INO80: variants seen among roughly 807,000 people sequenced by gnomAD.
The protein encoded by INO80 is chromatin-remodeling ATPase INO80.
A neutral mutation model predicts 203.4 loss-of-function variants in INO80; 20 were observed. The observed-to-expected ratio is 0.10, with a 90% CI of 0.07 to 0.14. The LOEUF (loss-of-function observed/expected upper bound fraction) is 0.14. INO80 is among the 10% of genes least tolerant of loss of function. The probability of loss-of-function intolerance (pLI) is 1.00; values close to 1 mark genes in which losing one functional copy is unlikely to be tolerated. For synonymous variants in INO80, 726 were observed against 685.2 expected (o/e 1.06, Z -0.93); for missense variants, 1,419 against 1,914.4 (o/e 0.74, Z 4.83).
At chr15:41,073,359 C>A in intron 11 of INO80, 69 bp downstream of exon 11, 1 of 1,267,008 alleles carries the variant, frequency 7.9e-7, no homozygotes, top group Non-Finnish European at 1.2e-6. Context: ...AAAGGAAGAC[C>A]ACCTAAGTAA....
intron 24 of INO80, among the ~76,000 whole-genome samples, chr15:41,033,833 C>T (rs1002281621): frequency 1.3e-5 from 2 of 151,986 alleles, no homozygotes; most frequent in Non-Finnish European, 2.9e-5. Context: ...GGGAGGATCA[C>T]GAGGTCAGGA....
intron 27 of INO80, among the ~76,000 whole-genome samples, chr15:41,009,691 G>A (rs2044105099): frequency 1.3e-5 from 2 of 151,970 alleles, no homozygotes; most frequent in Non-Finnish European, 2.9e-5. Context: ...GGGCTCAAAT[G>A]ATCCTCTCAC....
At chr15:41,090,040 C>T (rs2045612312) in intron 5 of INO80, among the ~76,000 whole-genome samples, 1 of 152,174 alleles carries the variant, frequency 6.6e-6, no homozygotes, top group Non-Finnish European at 1.5e-5. Context: ...TTCATACCAT[C>T]ATTATTCAAA....
Position 41,044,984 on chromosome 15 carries a change from A to G in INO80, c.2827T>C (p.Tyr943His), listed in dbSNP as rs1566925722. The G allele has an allele frequency of 3.1e-6, 5 of 1,614,092 alleles. No homozygotes were observed. The highest frequency in any genetic ancestry group is 4.2e-6 in the Non-Finnish European group (5 of 1,179,978). The part of the protein sequence containing the change: ...GAPEGESHQR[Y>H]LRNKDFLLGV... ...AGAAGGAAATCCTTGTTCCTCAGGT[A>G]TCTCTGGTGGCTCTCCCCTTCTGGC... The change falls in exon 24 of 36, where the codon TAC becomes CAC. Residue 943 changes from tyrosine to histidine, a missense_variant. Transcript: ENST00000648947.
chr15:41,082,124 C>T (rs1405789071), intron 7 of INO80, among the ~76,000 whole-genome samples: 2 of 151,790 alleles, frequency 1.3e-5, no homozygotes. Context: ...GTGGCACATG[C>T]CTGTAATCCT....
At chr15:41,095,225 C>T (rs2140665293) in intron 4 of INO80, among the ~76,000 whole-genome samples, 1 of 152,264 alleles carries the variant, frequency 6.6e-6, no homozygotes, top group South Asian at 2.1e-4. Flanking sequence ...CCTGTAATCC[C>T]AGCTACTCAG....
At chr15:41,061,368 A>C (rs1188277956) in intron 14 of INO80, among the ~76,000 whole-genome samples, 1 of 151,082 alleles carries the variant, frequency 6.6e-6, no homozygotes, top group African/African-American at 2.4e-5. Flanking sequence ...GCACTTTGCA[A>C]GGCCAAAGCA....
chr15:41,022,303 C>A (rs984397046), intron 25 of INO80, among the ~76,000 whole-genome samples: 1 of 152,220 alleles, frequency 6.6e-6, no homozygotes, highest in Non-Finnish European at 1.5e-5. Flanking sequence ...GTAGTTCTAT[C>A]ATTTCGTGGA....
rs1445087466 is a variant in INO80, at chr15:40,979,974, G to A, written c.*249C>T. ...GAGAGGTTTAAGACTTGGCTATACA[G>A]TTCACTTGAGATGCAGTGGGGCTGA... is the stretch of plus-strand genomic sequence containing the variant. On this transcript the variant is annotated 3_prime_UTR_variant, in exon 36 of 36. Transcript: ENST00000648947. 1 of 544,288 alleles carries A rather than the reference G, an allele frequency of 1.8e-6. No homozygotes were observed. The highest frequency in any genetic ancestry group is 3.3e-6 in the Non-Finnish European group (1 of 301,744). 33.7% of individuals were successfully genotyped at this position (544,288 alleles called of 1,614,324 possible).
At chr15:41,042,850 CATAT>C (rs2044692884) in intron 24 of INO80, among the ~76,000 whole-genome samples, 1 of 152,166 alleles carries the variant, frequency 6.6e-6, no homozygotes, top group South Asian at 2.1e-4. Context: ...AATATACATA[CATAT>C]GTTGGAGATA....
intron 35 of INO80, 81 bp downstream of exon 35, chr15:40,982,781 C>T: frequency 1.7e-6 from 2 of 1,180,440 alleles, no homozygotes; most frequent in South Asian, 2.8e-5. Context: ...TCAGGGTTTC[C>T]TACATGTTCT....
chr15:40,980,462 A>C, intron 35 of INO80, 22 bp from the exon 36 acceptor site: 1 of 1,584,942 alleles, frequency 6.3e-7, no homozygotes, highest in Non-Finnish European at 8.6e-7. Flanking sequence ...GAGAGAGACA[A>C]GAACGTAAGC....
At chr15:41,066,223 CT>C (rs976561572) in intron 14 of INO80, among the ~76,000 whole-genome samples, 11 of 152,088 alleles carry the variant, frequency 7.2e-5, no homozygotes, top group Admixed American at 3.3e-4. Flanking sequence ...GGTGACCCCC[CT>C]GCCTCAGCCT....
chr15:41,059,966 G>A (rs374485126), intron 14 of INO80, 40 bp from the exon 15 acceptor site: 1 of 1,264,082 alleles, frequency 7.9e-7, no homozygotes, highest in South Asian at 1.3e-5. Flanking sequence ...TTCTATAGAT[G>A]ATCTTAAAAG....
chr15:41,057,520 C>T (rs184294903), intron 16 of INO80, among the ~76,000 whole-genome samples: 1 of 148,522 alleles, frequency 6.7e-6, no homozygotes, highest in East Asian at 2.0e-4. Flanking sequence ...TAGAAAGTTC[C>T]ACAGAAGGGC....
intron 9 of INO80, among the ~76,000 whole-genome samples, chr15:41,075,661 A>T (rs569178262): frequency 6.6e-6 from 1 of 152,210 alleles, no homozygotes; most frequent in African/African-American, 2.4e-5. Context: ...TCACTGCGTT[A>T]GCCAGGATGG....
intron 24 of INO80, among the ~76,000 whole-genome samples, chr15:41,030,213 T>G (rs1038655889): frequency 2.0e-5 from 3 of 152,218 alleles, no homozygotes; most frequent in African/African-American, 7.2e-5. Flanking sequence ...TATCTTCTCT[T>G]CAGCACTGTA....
intron 6 of INO80, among the ~76,000 whole-genome samples, chr15:41,086,020 A>C (rs920631165): frequency 6.6e-6 from 1 of 152,060 alleles, no homozygotes; most frequent in African/African-American, 2.4e-5. Flanking sequence ...GCAAGAACCA[A>C]ATTTCTTTTG....
At chr15:41,096,427 A>G (rs148757027) in intron 1 of INO80, 74 bp from the exon 2 acceptor site, 5 of 1,082,646 alleles carry the variant, frequency 4.6e-6, no homozygotes, top group African/African-American at 1.6e-5. Flanking sequence ...CTTGTTCCCA[A>G]TGTGAAGAGA....
Sources: allele counts gnomAD v4.1 joint callset (sites outside exome capture counted in the v4.1 genomes callset), GRCh38; gene constraint gnomAD v4.1.1; transcripts MANE v1.5; gene names NCBI Gene and HGNC (gene_info 2026-07-23, HGNC 2026-07-21).